The following ROR2 variants were observed in gnomAD, a reference collection of about 807,000 sequenced individuals.
The protein encoded by ROR2 is ROR family WNT receptor 2, also known as tyrosine-protein kinase transmembrane receptor ROR2.
A neutral mutation model predicts 74.9 loss-of-function variants in ROR2; 33 were observed. The observed-to-expected ratio is 0.44, with a 90% confidence interval of 0.33 to 0.59. The LOEUF is 0.59. Among genes scored for constraint, ROR2 ranks in the 20% least tolerant of loss-of-function variants. ROR2 has a pLI of 0.02. For missense variants in ROR2, 1,216 were observed against 1,313.8 expected, an observed-to-expected ratio of 0.93 and a Z score of 1.15; for synonymous variants, 586 against 558.7, an observed-to-expected ratio of 1.05 and a Z score of -0.69.
chr9:91,806,347 G>A (rs1326154880), intron 1 of ROR2, among the ~76,000 whole-genome samples: 1 of 152,134 alleles, frequency 6.6e-6, no homozygotes, highest in Non-Finnish European at 1.5e-5. Flanking sequence ...AGGAGAAAGG[G>A]GTCTCTCTGA....
chr9:91,793,041 G>A (rs1195722420), intron 1 of ROR2, among the ~76,000 whole-genome samples: 1 of 152,076 alleles, frequency 6.6e-6, no homozygotes, highest in Non-Finnish European at 1.5e-5. Flanking sequence ...GAAGAAGAGG[G>A]GATACTTTCC....
chr9:91,877,862 C>T (rs1227816813), intron 1 of ROR2, among the ~76,000 whole-genome samples: 2 of 152,166 alleles, frequency 1.3e-5, no homozygotes, highest in African/African-American at 2.4e-5. Flanking sequence ...AATTAGATTA[C>T]ATTTGCAAAC....
intron 1 of ROR2, among the ~76,000 whole-genome samples, chr9:91,944,895 A>G (rs1831972132): frequency 6.6e-6 from 1 of 152,070 alleles, no homozygotes; most frequent in Non-Finnish European, 1.5e-5. Context: ...TCTACGAAAA[A>G]AAATCAAAGA....
At chr9:91,754,116 A>T (rs1164620948) in intron 4 of ROR2, among the ~76,000 whole-genome samples, 1 of 152,124 alleles carries the variant, frequency 6.6e-6, no homozygotes, top group Non-Finnish European at 1.5e-5. Context: ...AAACTGCCCC[A>T]GTCATTTACA....
chr9:91,835,950 CTACCTTTCT>C (rs1342388409), intron 1 of ROR2, among the ~76,000 whole-genome samples: 2 of 152,244 alleles, frequency 1.3e-5, no homozygotes, highest in Admixed American at 6.5e-5. Flanking sequence ...CGTCACTTCC[CTACCTTTCT>C]GTATAGCTTG....
At position 91,733,230 on chromosome 9, in the gene ROR2, T is replaced by A; in HGVS notation, c.829A>T (p.Ile277Phe). 6.2e-7 allele frequency: 1 copy of A among 1,612,732 alleles called. No homozygotes were observed. Among genetic ancestry groups the A allele is most frequent in the Non-Finnish European group, 8.5e-7 (1 of 1,179,704 alleles). Residue 277 changes from isoleucine (I) to phenylalanine (F), a missense_variant, in exon 6 of 9, where the codon ATC (isoleucine) becomes TTC (phenylalanine). Transcript: ENST00000375708. This position sits in a 1 kb window ranked among gnomAD's most constrained non-coding sequence, Gnocchi z 5.7. ...EYTIARSNPL[I>F]LMRLQLPKCE... The stretch of plus-strand genomic sequence containing the variant: ...TTGGGCAGCTGAAGCCGCATGAGGA[T>A]GAGCGGGTTGGAGCGGGCGATGGTG...
chr9:91,905,165 C>CCA lies in ROR2; in HGVS notation c.97+44700_97+44701dup, dbSNP rs55897887. 0.27 allele frequency among the ~76,000 whole-genome samples: 40,516 copies of CCA among 151,680 alleles called. 5,752 individuals are homozygous for CCA. Among genetic ancestry groups the CCA allele is most frequent in the Admixed American group, 0.43 (6,559 of 15,234 alleles). On this transcript the variant is annotated intron_variant, in intron 1 of 8. Transcript: ENST00000375708. The surrounding 1 kb of genome is among the most constrained non-coding windows in gnomAD (Gnocchi z 5.3). The stretch of plus-strand genomic sequence containing the variant: ...ACAAATATCACACATGCAAGACACA[C>CCA]CACACAACACATACCATACACAACA...
At chr9:91,803,651 C>T (rs1827460640) in intron 1 of ROR2, among the ~76,000 whole-genome samples, 1 of 152,202 alleles carries the variant, frequency 6.6e-6, no homozygotes, top group African/African-American at 2.4e-5. Context: ...TGGGTGGAAC[C>T]ACAGCCAGGC....
At chr9:91,779,011 C>T (rs1826516742) in intron 1 of ROR2, among the ~76,000 whole-genome samples, 1 of 152,124 alleles carries the variant, frequency 6.6e-6, no homozygotes, top group Non-Finnish European at 1.5e-5. Context: ...ACATGACACT[C>T]TAGAAGCAAA....
intron 4 of ROR2, among the ~76,000 whole-genome samples, chr9:91,748,380 T>C (rs1825498448): frequency 6.6e-6 from 1 of 152,250 alleles, no homozygotes; most frequent in Non-Finnish European, 1.5e-5. Context: ...ATTTAGCCAT[T>C]TCACAATGTA....
intron 1 of ROR2, chr9:91,886,997 C>G (rs1017031091): frequency 1.3e-5 from 2 of 152,118 alleles, no homozygotes; most frequent in African/African-American, 4.8e-5. Context: ...TCAAAAATCC[C>G]GAGTGAGGCC....
chr9:91,771,564 C>T (rs370854079), intron 2 of ROR2, among the ~76,000 whole-genome samples: 52 of 152,200 alleles, frequency 3.4e-4, no homozygotes, highest in African/African-American at 1.3e-3. Context: ...GTCCTACAGT[C>T]GCCTGCAGTC....
chr9:91,732,242 T>C (rs1837268589), intron 6 of ROR2, among the ~76,000 whole-genome samples: 1 of 152,196 alleles, frequency 6.6e-6, no homozygotes, highest in African/African-American at 2.4e-5. Flanking sequence ...GATGCAGTGA[T>C]GTCAGCCAAT....
At chr9:91,757,237 TC>T (rs1217911794) in intron 3 of ROR2, 34 bp downstream of exon 3, 2 of 1,613,364 alleles carry the variant, frequency 1.2e-6, no homozygotes, top group African/African-American at 2.7e-5. Context: ...AACCTTCATA[TC>T]TGCTAACCCA....
chr9:91,913,918 T>C (rs561831564), intron 1 of ROR2, among the ~76,000 whole-genome samples: 1 of 152,284 alleles, frequency 6.6e-6, no homozygotes, highest in South Asian at 2.1e-4. Context: ...CTGTACTTAA[T>C]GCCACCCAGT....
At chr9:91,747,292 T>C (rs1825452738) in intron 4 of ROR2, among the ~76,000 whole-genome samples, 1 of 152,202 alleles carries the variant, frequency 6.6e-6, no homozygotes, top group Non-Finnish European at 1.5e-5. Flanking sequence ...TGTCTTATGG[T>C]GGTAAATCCT....
At chr9:91,850,449 G>A (rs1299547790) in intron 1 of ROR2, among the ~76,000 whole-genome samples, 2 of 152,130 alleles carry the variant, frequency 1.3e-5, no homozygotes, top group Non-Finnish European at 2.9e-5. Flanking sequence ...TACCCACAAA[G>A]GTCCTTCAGG....
rs1178319551 is a variant in ROR2, at chr9:91,740,331, A to G, written c.495-2813T>C. On this transcript the variant is annotated intron_variant, in intron 4 of 8. Coordinates refer to ENST00000375708, the MANE Select transcript of ROR2 (RefSeq NM_004560.4). Reference sequence around the variant, plus strand: ...TGGGAGGCCAAGGTGGGAGGATCACAAGGTCAGAAGATCGAGACCATCCTG... The same window carrying G: ...TGGGAGGCCAAGGTGGGAGGATCACGAGGTCAGAAGATCGAGACCATCCTG... 5.9e-5 allele frequency among the ~76,000 whole-genome samples: 9 copies of G among 151,994 alleles called. No individual in the cohort carries two copies. In the South Asian group the frequency reaches 1.5e-3, roughly 25 times the overall value.
chr9:91,790,513 A>T (rs779024010), intron 1 of ROR2, among the ~76,000 whole-genome samples: 2 of 89,176 alleles, frequency 2.2e-5, no homozygotes, highest in Non-Finnish European at 4.7e-5. Context: ...CGTCTCAATT[A>T]AAAAAAAAAA....
Sources: allele counts gnomAD v4.1 joint callset (sites outside exome capture counted in the v4.1 genomes callset), GRCh38; gene constraint gnomAD v4.1.1; non-coding constraint Gnocchi (gnomAD v3.1); transcripts MANE v1.5; gene names NCBI Gene and HGNC (gene_info 2026-07-23, HGNC 2026-07-21).